The following DENND1A variants were observed in gnomAD, a reference collection of about 807,000 sequenced individuals.
DENND1A encodes DENN domain-containing protein 1A.
Under a neutral mutation model 113.7 loss-of-function variants are expected in DENND1A, and 51 were observed. The observed-to-expected ratio is 0.45, with a 90% CI of 0.36 to 0.57. The LOEUF is 0.57. Ranked by LOEUF, DENND1A falls within the 20% of genes least tolerant of loss-of-function variation. The pLI, the probability that DENND1A is intolerant of heterozygous loss-of-function variation, is 0.00. For missense variants in DENND1A, 1,258 were observed against 1,395.9 expected, an observed-to-expected ratio of 0.90 and a Z score of 1.57; for synonymous variants, 565 against 570.8, an observed-to-expected ratio of 0.99 and a Z score of 0.14.
chr9:123,426,653 T>C (rs2131963674), intron 19 of DENND1A, among the ~76,000 whole-genome samples: 1 of 152,292 alleles, frequency 6.6e-6, no homozygotes, highest in South Asian at 2.1e-4. Flanking sequence ...TACAGGGCAA[T>C]CAGTCAGCCA....
At chr9:123,674,390 AC>A (rs2063938072) in intron 6 of DENND1A, among the ~76,000 whole-genome samples, 4 of 145,402 alleles carry the variant, frequency 2.8e-5, no homozygotes, top group East Asian at 2.0e-4. Flanking sequence ...ACACACACAC[AC>A]ACAATAGAAG....
At chr9:123,926,170 G>A (rs1345243796) in intron 1 of DENND1A, among the ~76,000 whole-genome samples, 1 of 152,226 alleles carries the variant, frequency 6.6e-6, no homozygotes, top group Non-Finnish European at 1.5e-5. Flanking sequence ...CCATACAGAT[G>A]TAACATTTAG....
intron 1 of DENND1A, among the ~76,000 whole-genome samples, chr9:123,909,213 G>A (rs1425144323): frequency 2.0e-5 from 3 of 152,070 alleles, no homozygotes; most frequent in Non-Finnish European, 4.4e-5. Flanking sequence ...TGGGGGGAGT[G>A]GGAAGGGATA....
chr9:123,893,792 A>G (rs1488297010), intron 1 of DENND1A, among the ~76,000 whole-genome samples: 1 of 152,202 alleles, frequency 6.6e-6, no homozygotes, highest in Non-Finnish European at 1.5e-5. Flanking sequence ...CTTACTTCAA[A>G]GGGCATGCTC....
At chr9:123,599,937 C>T (rs147880348) in intron 11 of DENND1A, among the ~76,000 whole-genome samples, 17 of 152,204 alleles carry the variant, frequency 1.1e-4, no homozygotes, top group Admixed American at 7.9e-4. Flanking sequence ...TACCATGAGT[C>T]GGCTGAGCAT....
chr9:123,838,979 A>G lies in DENND1A; in HGVS notation c.88+39972T>C, dbSNP rs573620385. 2.0e-4 allele frequency among the ~76,000 whole-genome samples: 30 copies of G among 152,326 alleles called. 1 individual carries two copies. The highest frequency in any genetic ancestry group is 1.7e-3 in the Admixed American group (26 of 15,308). On this transcript the variant is annotated intron_variant, in intron 2 of 23. Coordinates refer to ENST00000394215, the MANE Select transcript of DENND1A (RefSeq NM_001352964.2). The stretch of plus-strand genomic sequence containing the variant: ...AAAAAGCCACACATGGGCAAGAGCC[A>G]TATCTTTTTCCATGCAGACATGTTT...
At chr9:123,875,598 T>C (rs1847334030) in intron 2 of DENND1A, among the ~76,000 whole-genome samples, 2 of 152,130 alleles carry the variant, frequency 1.3e-5, no homozygotes, top group Non-Finnish European at 2.9e-5. Context: ...CTCTATCCCA[T>C]ACCCTATTCC....
intron 2 of DENND1A, among the ~76,000 whole-genome samples, chr9:123,801,529 G>A (rs752852756): frequency 6.6e-6 from 1 of 152,156 alleles, no homozygotes; most frequent in African/African-American, 2.4e-5. Context: ...TTCCATCAAT[G>A]GACATATGGG....
chr9:123,752,873 G>A (rs752219897), intron 5 of DENND1A, among the ~76,000 whole-genome samples: 5 of 152,150 alleles, frequency 3.3e-5, no homozygotes, highest in Admixed American at 1.3e-4. Flanking sequence ...TAACTAATCC[G>A]TAACTACTGT....
At chr9:123,447,431 C>G (rs986918564) in intron 18 of DENND1A, among the ~76,000 whole-genome samples, 3 of 152,124 alleles carry the variant, frequency 2.0e-5, no homozygotes, top group Admixed American at 6.5e-5. Flanking sequence ...AAATCTGCAG[C>G]ACAAATGAAC....
At chr9:123,661,101 C>A (rs540015622) in intron 8 of DENND1A, among the ~76,000 whole-genome samples, 3 of 152,286 alleles carry the variant, frequency 2.0e-5, no homozygotes, top group East Asian at 1.9e-4. Flanking sequence ...GGCACAGCAC[C>A]GAGCATTCAG....
chr9:123,795,978 C>G (rs1783497428), intron 2 of DENND1A, among the ~76,000 whole-genome samples: 1 of 152,166 alleles, frequency 6.6e-6, no homozygotes, highest in Admixed American at 6.5e-5. Context: ...ATAGCACACC[C>G]TTCTTTCCTT....
intron 8 of DENND1A, among the ~76,000 whole-genome samples, chr9:123,654,711 C>G (rs1444128952): frequency 3.3e-5 from 5 of 152,224 alleles, no homozygotes; most frequent in African/African-American, 1.2e-4. Flanking sequence ...TATTTCTCAT[C>G]CCATCTGTGC....
intron 19 of DENND1A, among the ~76,000 whole-genome samples, chr9:123,420,991 TGGGCAG>T (rs1415276223): frequency 6.6e-6 from 1 of 150,596 alleles, no homozygotes; most frequent in Non-Finnish European, 1.5e-5. Context: ...GGCTGGTGCC[TGGGCAG>T]GGGCAGGGAC....
At chr9:123,771,292 T>C (rs1248603975) in intron 3 of DENND1A, among the ~76,000 whole-genome samples, 5 of 152,162 alleles carry the variant, frequency 3.3e-5, no homozygotes, top group Admixed American at 3.3e-4. Context: ...ACAGATCACA[T>C]AAAACATTTA....
At chr9:123,623,883 G>C (rs996773448) in intron 10 of DENND1A, among the ~76,000 whole-genome samples, 43 of 152,152 alleles carry the variant, frequency 2.8e-4, no homozygotes, top group African/African-American at 1.0e-3. Flanking sequence ...CATTTAACAT[G>C]TCTTTGTCCA....
At chr9:123,849,670 A>C (rs765949669) in intron 2 of DENND1A, among the ~76,000 whole-genome samples, 4 of 152,242 alleles carry the variant, frequency 2.6e-5, no homozygotes, top group Non-Finnish European at 4.4e-5. Flanking sequence ...ATAAGGCTAT[A>C]GCTGCAATAT....
intron 5 of DENND1A, among the ~76,000 whole-genome samples, chr9:123,714,627 C>T (rs571609707): frequency 3.3e-5 from 5 of 152,068 alleles, no homozygotes; most frequent in Non-Finnish European, 7.4e-5. Flanking sequence ...AAACAAAAAC[C>T]TACTCTCAGA....
intron 17 of DENND1A, among the ~76,000 whole-genome samples, chr9:123,451,539 T>C (rs1453257757): frequency 1.3e-5 from 2 of 152,208 alleles, no homozygotes; most frequent in Non-Finnish European, 2.9e-5. Flanking sequence ...ATGAAGAATT[T>C]GGGACAAAAA....
Sources: gnomAD v4.1 joint callset for allele counts (sites outside exome capture counted in the v4.1 genomes callset) on GRCh38, gnomAD v4.1.1 for gene constraint, MANE v1.5 for transcripts, NCBI Gene and HGNC (gene_info 2026-07-23, HGNC 2026-07-21) for gene names.